Variants in LUC7L observed in about 807,000 individuals in gnomAD.
LUC7L encodes putative RNA-binding protein Luc7-like 1.
LUC7L carries 29 observed loss-of-function variants against 51.1 expected under a neutral mutation model. The ratio of observed to expected loss-of-function variants is 0.57; its 90% confidence interval spans 0.42 to 0.77. The LOEUF is 0.77. Among genes scored for constraint, LUC7L ranks in the 30% least tolerant of loss-of-function variants. The pLI is 0.00. For missense variants in LUC7L, 403 were observed against 511.9 expected (o/e 0.79, Z 2.05); for synonymous variants, 181 against 180.7 (o/e 1.00, Z -0.01).
chr16:219,551 C>T (rs2049906442), intron 3 of LUC7L, among the ~76,000 whole-genome samples: 1 of 152,018 alleles, frequency 6.6e-6, no homozygotes, highest in Non-Finnish European at 1.5e-5. Flanking sequence ...TGCACTCCAG[C>T]CTGGGCAACA....
chr16:198,989 G>C, intron 6 of LUC7L, 73 bp downstream of exon 6: 1 of 1,451,676 alleles, frequency 6.9e-7, no homozygotes, highest in South Asian at 1.5e-5. Flanking sequence ...CAAAACATAA[G>C]GTTTTTAAAA....
chr16:222,455 T>C (rs1257848624), intron 2 of LUC7L, among the ~76,000 whole-genome samples: 2 of 151,176 alleles, frequency 1.3e-5, no homozygotes, highest in Non-Finnish European at 2.9e-5. Flanking sequence ...CTGGGCAACA[T>C]AGCAAGACCC....
intron 2 of LUC7L, among the ~76,000 whole-genome samples, chr16:221,614 A>C (rs963367428): frequency 8.6e-5 from 13 of 152,018 alleles, no homozygotes; most frequent in Admixed American, 2.0e-4. Context: ...GAGACACAAG[A>C]ATCGCTTGAA....
At chr16:201,242 T>A (rs201510942) in intron 5 of LUC7L, among the ~76,000 whole-genome samples, 184 of 78,400 alleles carry the variant, frequency 2.3e-3, no homozygotes, top group Middle Eastern at 9.6e-3. Flanking sequence ...GCTACATAAC[T>A]AAAAAAAAAA....
At chr16:214,056 T>C (rs2049719361) in intron 3 of LUC7L, among the ~76,000 whole-genome samples, 1 of 151,656 alleles carries the variant, frequency 6.6e-6, no homozygotes, top group African/African-American at 2.4e-5. Flanking sequence ...GTCTTTGTTT[T>C]GTGTTCTCAT....
intron 3 of LUC7L, among the ~76,000 whole-genome samples, chr16:218,982 G>A (rs1021172207): frequency 3.0e-5 from 4 of 134,750 alleles, no homozygotes; most frequent in African/African-American, 5.5e-5. Flanking sequence ...ACCTATACCC[G>A]CAGCTACTCA....
At chr16:209,544 G>C (rs1567183482) in intron 3 of LUC7L, 2 of 150,794 alleles carry the variant, frequency 1.3e-5, no homozygotes, top group Middle Eastern at 3.5e-3. Context: ...CCAGTGACCA[G>C]TAGTAAGAAA....
At chr16:207,980 G>C (rs1440344956) in intron 4 of LUC7L, 98 bp downstream of exon 4, 2 of 775,894 alleles carry the variant, frequency 2.6e-6, no homozygotes, top group Non-Finnish European at 4.2e-6. Flanking sequence ...CTGCACTCCA[G>C]CCTGGGTGAC....
chr16:229,246 C>T (rs2050212068), intron 1 of LUC7L, 33 bp downstream of exon 1: 2 of 1,528,150 alleles, frequency 1.3e-6, no homozygotes, highest in African/African-American at 2.8e-5. Context: ...ACTCCCACCC[C>T]AGACCCTCGC....
At chr16:205,621 G>A (rs562008910) in intron 5 of LUC7L, among the ~76,000 whole-genome samples, 1 of 151,976 alleles carries the variant, frequency 6.6e-6, no homozygotes, top group Non-Finnish European at 1.5e-5. Context: ...ACAGAGTCTC[G>A]CTCTGTCGCC....
At chr16:211,889 C>T (rs2049651116) in intron 3 of LUC7L, among the ~76,000 whole-genome samples, 2 of 152,244 alleles carry the variant, frequency 1.3e-5, no homozygotes, top group Non-Finnish European at 2.9e-5. Context: ...GCAGCACTGA[C>T]ACAGGCCGGT....
At chr16:213,849 G>C (rs2049712603) in intron 3 of LUC7L, among the ~76,000 whole-genome samples, 2 of 151,984 alleles carry the variant, frequency 1.3e-5, no homozygotes. Context: ...AAAGTAGCTG[G>C]GATTACAGGT....
intron 9 of LUC7L, chr16:189,747 G>A: frequency 7.2e-7 from 1 of 1,389,990 alleles, no homozygotes; most frequent in South Asian, 1.8e-5. Flanking sequence ...CAGGACGCAG[G>A]CAGGGGACAG....
intron 3 of LUC7L, among the ~76,000 whole-genome samples, chr16:218,226 G>A (rs547629886): frequency 1.3e-5 from 2 of 151,512 alleles, no homozygotes; most frequent in Admixed American, 6.6e-5. Context: ...ACTGTAAAAC[G>A]TATTGACATC....
intron 2 of LUC7L, 135 bp downstream of exon 2, chr16:227,107 G>C: frequency 1.5e-6 from 1 of 666,130 alleles, no homozygotes; most frequent in Non-Finnish European, 2.6e-6. Context: ...TACGAGTGGA[G>C]GAACACCTGC....
At chr16:221,435 C>T (rs2049966354) in intron 2 of LUC7L, among the ~76,000 whole-genome samples, 1 of 152,114 alleles carries the variant, frequency 6.6e-6, no homozygotes, top group East Asian at 1.9e-4. Context: ...GGCGTGGTGG[C>T]TCACGCCTGT....
At chr16:228,030 G>A (rs1342734966) in intron 1 of LUC7L, 2 of 1,115,974 alleles carry the variant, frequency 1.8e-6, no homozygotes, top group South Asian at 4.4e-5. Flanking sequence ...TTTTATGCCC[G>A]CTGTTGAAAA....
intron 2 of LUC7L, among the ~76,000 whole-genome samples, chr16:223,673 TTC>T (rs2050040051): frequency 6.6e-6 from 1 of 151,904 alleles, no homozygotes; most frequent in African/African-American, 2.4e-5. Flanking sequence ...ACTCTGTTTT[TTC>T]TTTTTTTTTT....
intron 3 of LUC7L, chr16:208,398 T>G (rs1251998193): frequency 6.3e-6 from 3 of 473,144 alleles, no homozygotes; most frequent in Non-Finnish European, 1.1e-5. Context: ...TTTGGAAGCA[T>G]GGTCTTCTCA....
Sources: allele counts gnomAD v4.1 joint callset (sites outside exome capture counted in the v4.1 genomes callset), GRCh38; gene constraint gnomAD v4.1.1; transcripts MANE v1.5; gene names NCBI Gene and HGNC (gene_info 2026-07-23, HGNC 2026-07-21).